Variants in PALM2AKAP2 observed in about 807,000 individuals in gnomAD.
The protein encoded by PALM2AKAP2 is PALM2 and AKAP2 fusion.
In PALM2AKAP2, 37 loss-of-function variants were observed where a neutral mutation model predicts 71.5. The observed-to-expected ratio is 0.52, with a 90% CI of 0.40 to 0.68. The LOEUF is 0.68. Ranked by LOEUF, PALM2AKAP2 falls within the 30% of genes least tolerant of loss-of-function variation. PALM2AKAP2 has a pLI of 0.00. For synonymous variants in PALM2AKAP2, 468 were observed against 478.8 expected (o/e 0.98, Z 0.29); for missense variants, 1,224 against 1,191.8 (o/e 1.03, Z -0.40).
chr9:110,037,230 C>T (rs1833428782), intron 7 of PALM2AKAP2, among the ~76,000 whole-genome samples: 1 of 151,580 alleles, frequency 6.6e-6, no homozygotes, highest in Admixed American at 6.6e-5. Context: ...AACAGAGTTT[C>T]ACTCTTGTTG....
intron 1 of PALM2AKAP2, among the ~76,000 whole-genome samples, chr9:109,746,065 G>C (rs1348676398): frequency 6.6e-6 from 1 of 152,194 alleles, no homozygotes; most frequent in Non-Finnish European, 1.5e-5. Context: ...CTCCCAGGAG[G>C]GTTCACAGCC....
At chr9:109,727,404 G>C (rs952330884) in intron 1 of PALM2AKAP2, among the ~76,000 whole-genome samples, 3 of 152,122 alleles carry the variant, frequency 2.0e-5, no homozygotes, top group Non-Finnish European at 4.4e-5. Context: ...CAACTTTCCT[G>C]GATTCCTGTT....
intron 5 of PALM2AKAP2, among the ~76,000 whole-genome samples, chr9:109,925,754 G>A (rs551930570): frequency 1.8e-4 from 28 of 152,248 alleles, no homozygotes; most frequent in Middle Eastern, 3.4e-3. Context: ...CTGTGGGGAT[G>A]AACTTGAGAT....
At chr9:109,967,849 G>C (rs922783013) in intron 6 of PALM2AKAP2, among the ~76,000 whole-genome samples, 1 of 152,232 alleles carries the variant, frequency 6.6e-6, no homozygotes, top group African/African-American at 2.4e-5. Context: ...ACTTTGTTGT[G>C]TTTAAATTTG....
intron 1 of PALM2AKAP2, chr9:109,640,932 G>A: frequency 1.4e-6 from 2 of 1,469,378 alleles, no homozygotes; most frequent in Non-Finnish European, 1.8e-6. Flanking sequence ...TGACCGCGGC[G>A]GCAGGCAGAT....
intron 1 of PALM2AKAP2, among the ~76,000 whole-genome samples, chr9:109,854,763 C>CTTTTTTTTT (rs34401582): frequency 1.1e-4 from 7 of 66,182 alleles, no homozygotes; most frequent in African/African-American, 3.7e-4. Flanking sequence ...AAGAATGTAT[C>CTTTTTTTTT]TTTTTTTTTT....
intron 1 of PALM2AKAP2, among the ~76,000 whole-genome samples, 165 bp from the exon 8 acceptor site, chr9:110,135,962 A>T (rs1033192474): frequency 6.6e-6 from 1 of 152,236 alleles, no homozygotes; most frequent in African/African-American, 2.4e-5. Flanking sequence ...ACCTGTTACT[A>T]CAAGAAAATG....
At chr9:109,768,009 G>GGAGAA (rs1387659937) in intron 1 of PALM2AKAP2, among the ~76,000 whole-genome samples, 1 of 150,432 alleles carries the variant, frequency 6.6e-6, no homozygotes, top group Non-Finnish European at 1.5e-5. Flanking sequence ...AGGCAGGTAG[G>GGAGAA]TAGGAAGAAA....
At chr9:110,111,761 A>G (rs1314003098) in intron 1 of PALM2AKAP2, among the ~76,000 whole-genome samples, 1 of 152,128 alleles carries the variant, frequency 6.6e-6, no homozygotes, top group Non-Finnish European at 1.5e-5. Context: ...CTAAAGGAAA[A>G]AAAATGGAAG....
At chr9:109,851,688 T>C (rs1564179978) in intron 1 of PALM2AKAP2, among the ~76,000 whole-genome samples, 1 of 152,144 alleles carries the variant, frequency 6.6e-6, no homozygotes, top group Non-Finnish European at 1.5e-5. Flanking sequence ...ATGATCACAG[T>C]CAAAGCCAGT....
chr9:110,127,860 C>T (rs529143610), intron 1 of PALM2AKAP2: 2 of 152,210 alleles, frequency 1.3e-5, no homozygotes, highest in Non-Finnish European at 2.9e-5. Context: ...TAGTGCTGTT[C>T]GTTCTTCTTA....
chr9:109,943,447 T>C, intron 6 of PALM2AKAP2: 1 of 1,586,932 alleles, frequency 6.3e-7, no homozygotes. Flanking sequence ...TTCTCCTTTC[T>C]TCTGGGCAGC....
upstream of PALM2AKAP2, among the ~76,000 whole-genome samples, chr9:110,043,714 G>GTTTTTTT (rs71492869): frequency 7.1e-5 from 7 of 98,406 alleles, no homozygotes; most frequent in African/African-American, 1.8e-4. Flanking sequence ...GTTTTTTTTG[G>GTTTTTTT]TGTTTTTTTT....
At chr9:109,862,420 AG>A (rs1194085121) in intron 1 of PALM2AKAP2, among the ~76,000 whole-genome samples, 1 of 152,160 alleles carries the variant, frequency 6.6e-6, no homozygotes, top group Non-Finnish European at 1.5e-5. Context: ...TCTTCAATGT[AG>A]ATGCATTTCT....
chr9:109,960,221 CT>C (rs1323346801), intron 6 of PALM2AKAP2, among the ~76,000 whole-genome samples: 2 of 152,182 alleles, frequency 1.3e-5, no homozygotes, highest in Non-Finnish European at 2.9e-5. Flanking sequence ...CTTCATCCTG[CT>C]CAGCCCAGCT....
intron 1 of PALM2AKAP2, among the ~76,000 whole-genome samples, chr9:109,643,909 T>G (rs1349415269): frequency 6.6e-6 from 1 of 152,122 alleles, no homozygotes; most frequent in Non-Finnish European, 1.5e-5. Context: ...CAGCTTCCGG[T>G]GAGGCCTCAG....
At chr9:110,149,350 A>C (rs967119998) in intron 2 of PALM2AKAP2, among the ~76,000 whole-genome samples, 72 of 152,354 alleles carry the variant, frequency 4.7e-4, no homozygotes, top group African/African-American at 1.7e-3. Flanking sequence ...GGATGATGGA[A>C]GGGCTTGTGG....
chr9:109,800,363 G>A (rs570302321), intron 1 of PALM2AKAP2, among the ~76,000 whole-genome samples: 6 of 152,282 alleles, frequency 3.9e-5, no homozygotes, highest in Admixed American at 3.3e-4. Context: ...CTCTGTTAGA[G>A]GAATTCTTAT....
chr9:109,994,839 G>A (rs1243148680), intron 6 of PALM2AKAP2, among the ~76,000 whole-genome samples: 3 of 152,130 alleles, frequency 2.0e-5, no homozygotes, highest in Non-Finnish European at 4.4e-5. Flanking sequence ...CCCTGCCATG[G>A]ACCTGGTTCT....
Sources: gnomAD v4.1 joint callset for allele counts (sites outside exome capture counted in the v4.1 genomes callset) on GRCh38, gnomAD v4.1.1 for gene constraint, MANE v1.5 for transcripts, NCBI Gene and HGNC (gene_info 2026-07-23, HGNC 2026-07-21) for gene names.